The following LOXL3 variants were observed in gnomAD, a reference collection of about 807,000 sequenced individuals.
LOXL3 encodes the protein lysyl oxidase like 3.
In LOXL3, 60 loss-of-function variants were observed where a neutral mutation model predicts 91.8. That is an observed-to-expected ratio of 0.65 (90% CI 0.53 to 0.81). LOXL3 has a LOEUF of 0.81. LOXL3 is among the 30% of genes least tolerant of loss of function. The pLI is 0.00. For missense variants in LOXL3, 874 were observed against 1,000.4 expected (o/e 0.87, Z 1.70); for synonymous variants, 355 against 387.6 (o/e 0.92, Z 0.99).
Position 74,535,610 on chromosome 2 carries a change from C to T in LOXL3, c.1394G>A (p.Gly465Asp), listed in dbSNP as rs1309534254. ...AMVACRQLGL[G>D]YANHGLQETW... ...CACCTGCAGGCCGTGGTTGGCGTAG[C>T]CCAGACCCAGTTGCCTACAGGCCAC... Residue 465 changes from glycine (G) to aspartate (D), a missense_variant, in exon 8 of 14, where the codon GGC becomes GAC. Physicochemically the swap from Gly to Asp is moderately conservative, Grantham distance 94. Coordinates refer to ENST00000264094, the MANE Select transcript of LOXL3 (RefSeq NM_032603.5). The surrounding 1 kb of genome is among the most constrained non-coding windows in gnomAD (Gnocchi z 4.2). 1.2e-6 allele frequency: 2 copies of T among 1,614,112 alleles called. No individual in the cohort carries two copies. Among genetic ancestry groups the T allele is most frequent in the Non-Finnish European group, 8.5e-7 (1 of 1,180,034 alleles).
chr2:74,535,300 C>G lies in LOXL3; in HGVS notation c.1571G>C (p.Cys524Ser). 1 of 1,613,506 alleles carries G rather than the reference C, an allele frequency of 6.2e-7. No homozygotes were observed. The highest frequency in any genetic ancestry group is 8.5e-7 in the Non-Finnish European group (1 of 1,179,784). Residue 524 changes from cysteine (C) to serine (S), a missense_variant, in exon 9 of 14, where the codon TGT becomes TCT. Coordinates refer to ENST00000264094, the MANE Select transcript of LOXL3 (RefSeq NM_032603.5). The surrounding 1 kb of genome is among the most constrained non-coding windows in gnomAD (Gnocchi z 4.2). ...TGTRFTAGVICSETASDLLLH... is the reference protein window; with the variant it reads ...TGTRFTAGVISSETASDLLLH... ...CCCCCTCCTTCACTCACTCTCAGAA[C>G]AGATGACTCCAGCAGTGAAGCGGGT...
At chr2:74,554,736 G>A, upstream of LOXL3, 1 of 1,606,338 alleles carries the variant, frequency 6.2e-7, no homozygotes, top group South Asian at 1.1e-5. This position sits in a 1 kb window ranked among gnomAD's most constrained non-coding sequence, Gnocchi z 4.9. Context: ...AGGAAGCGCG[G>A]AAGGAACCGC....
intron 4 of LOXL3, among the ~76,000 whole-genome samples, chr2:74,543,899 T>TAAAA (rs1352260802): frequency 6.1e-5 from 3 of 49,338 alleles, no homozygotes; most frequent in African/African-American, 3.7e-4. Flanking sequence ...AGGCTCTGTC[T>TAAAA]CAAAAAAAAA....
upstream of LOXL3, chr2:74,555,557 C>G: frequency 1.9e-6 from 3 of 1,610,376 alleles, no homozygotes; most frequent in South Asian, 2.2e-5. The surrounding 1 kb of genome is among the most constrained non-coding windows in gnomAD (Gnocchi z 6.1). Context: ...ACGGGTTTCT[C>G]GATGCTCTCT....
upstream of LOXL3, chr2:74,554,274 C>T (rs533973522): frequency 9.0e-4 from 144 of 160,772 alleles, 1 homozygote; most frequent in South Asian, 6.1e-3. The surrounding 1 kb of genome is among the most constrained non-coding windows in gnomAD (Gnocchi z 4.9). Flanking sequence ...AGCGGTTCAA[C>T]CCCAGCCCTC....
At chr2:74,555,153 G>C, upstream of LOXL3, 1 of 1,610,514 alleles carries the variant, frequency 6.2e-7, no homozygotes, top group Non-Finnish European at 8.5e-7. This position sits in a 1 kb window ranked among gnomAD's most constrained non-coding sequence, Gnocchi z 6.1. Context: ...TCTCTCCCTA[G>C]AGGTGGAGGA....
At chr2:74,542,058 T>A (rs1285995703) in intron 4 of LOXL3, among the ~76,000 whole-genome samples, 1 of 152,186 alleles carries the variant, frequency 6.6e-6, no homozygotes, top group Non-Finnish European at 1.5e-5. Context: ...TTTGGGAGGC[T>A]GAGGCAGGAG....
rs1366277929 is a variant in LOXL3 at position 74,534,520 on chromosome 2, T to C, written c.1823+11A>G. 1.2e-6 allele frequency: 2 copies of C among 1,614,072 alleles called. No homozygotes were observed. Among genetic ancestry groups the C allele is most frequent in the Non-Finnish European group, 8.5e-7 (1 of 1,179,908 alleles). ...GGTCTTGCCCTTCTACTTGACTCCC[T>C]ACCCTCTCACCCATGGCACTCGTGC... On this transcript the variant is annotated intron_variant, in intron 10 of 13. Coordinates refer to ENST00000264094, the MANE Select transcript of LOXL3 (RefSeq NM_032603.5).
rs1211368385 is a variant in LOXL3, at chr2:74,535,522, T to G, written c.1416+66A>C. The G allele has an allele frequency of 2.9e-5, 47 of 1,611,776 alleles. No individual in the cohort carries two copies. Among genetic ancestry groups the G allele is most frequent in the Non-Finnish European group, 3.9e-5 (46 of 1,179,708 alleles). On this transcript the variant is annotated intron_variant, in intron 8 of 13. Transcript: ENST00000264094. This position sits in a 1 kb window ranked among gnomAD's most constrained non-coding sequence, Gnocchi z 4.2. ...CATCTTGGGCCAAGGGACTCATTCC[T>G]CAGCCCTCTGCCCAAAACACAGGCT...
Position 74,534,356 on chromosome 2 carries a change from G to C in LOXL3, c.1899C>G (p.His633Gln), listed in dbSNP as rs1169749481. ...TPNGTKVAEG[H>Q]KASFCLEDTE... ...TGTCTTCGAGACAGAAACTAGCTTT[G>C]TGGCCCTCAGCCACCTTGGTGCCAT... Residue 633 changes from histidine (H) to glutamine (Q), a missense_variant, in exon 11 of 14, where the codon CAC becomes CAG. His to Gln is a conservative substitution (Grantham distance 24). Transcript: ENST00000264094. The C allele has an allele frequency of 5.0e-6, 8 of 1,614,132 alleles. No individual in the cohort carries two copies. Among genetic ancestry groups the C allele is most frequent in the Non-Finnish European group, 6.8e-6 (8 of 1,180,044 alleles).
At position 74,532,855 on chromosome 2, in the gene LOXL3, T is replaced by C. The variant is rs199621962; in HGVS notation, c.*751A>G. ...CGGCCTGGTGATGTGATTTTGGCCA[T>C]TGGGGAGCAGATGGTACAAAATGCT... On this transcript the variant is annotated 3_prime_UTR_variant, in exon 14 of 14. Coordinates refer to ENST00000264094, the MANE Select transcript of LOXL3 (RefSeq NM_032603.5). 24 of 1,614,058 alleles carry C rather than the reference T, an allele frequency of 1.5e-5. No homozygotes were observed. The highest frequency in any genetic ancestry group is 3.3e-5 in the South Asian group (3 of 91,084).
rs1346042566 is a variant in LOXL3, at chr2:74,532,335, CTTAAG to C, written c.*1266_*1270del. ...ATCAGATCCATCCTTTTAGGCTCAA[CTTAAG>C]TTCTTTCCCCTTAAAGCTTCTCTTA... is the stretch of plus-strand genomic sequence containing the variant. On this transcript the variant is annotated 3_prime_UTR_variant, in exon 14 of 14. Transcript: ENST00000264094. 2 of 491,060 alleles carry C rather than the reference CTTAAG, an allele frequency of 4.1e-6. No homozygotes were observed. The highest frequency in any genetic ancestry group is 7.4e-6 in the Non-Finnish European group (2 of 269,618). The allele number at this position is 491,060 out of a possible 1,614,324, so 30.4% of individuals were successfully genotyped here.
Position 74,552,602 on chromosome 2 carries a change from G to A in LOXL3, c.33C>T (p.Pro11=), listed in dbSNP as rs1334047692. ...ACAGCAGGCACAGCAGCAGCCCCCAGGGGCTCCACTGCCAGACACTGACAG... is the reference window on the plus strand; with the variant it reads ...ACAGCAGGCACAGCAGCAGCCCCCAAGGGCTCCACTGCCAGACACTGACAG... MRPVSVWQWS[P]WGLLLCLLCS... The change falls in exon 2 of 14, where the codon CCC becomes CCT. Residue 11 remains proline (P), a synonymous_variant. Coordinates refer to ENST00000264094, the MANE Select transcript of LOXL3 (RefSeq NM_032603.5). The A allele has an allele frequency of 6.3e-7, 1 of 1,587,052 alleles. No individual in the cohort carries two copies. The highest frequency in any genetic ancestry group is 1.1e-5 in the South Asian group (1 of 89,434).
chr2:74,543,254 A>C (rs1381137295), intron 4 of LOXL3, among the ~76,000 whole-genome samples: 1 of 152,150 alleles, frequency 6.6e-6, no homozygotes, highest in East Asian at 1.9e-4. Flanking sequence ...CTGGTCATTA[A>C]AATTTGTGGA....
chr2:74,541,115 T>C (rs924943692), intron 4 of LOXL3, among the ~76,000 whole-genome samples: 1 of 152,252 alleles, frequency 6.6e-6, no homozygotes, highest in Non-Finnish European at 1.5e-5. Context: ...CTTTTTTTCT[T>C]GTCATTATTC....
In LOXL3 at chr2:74,549,757, C is replaced by G; in HGVS notation, c.478-174G>C. 3 of 1,433,130 alleles carry G rather than the reference C, an allele frequency of 2.1e-6. No homozygotes were observed. Among genetic ancestry groups the G allele is most frequent in the Non-Finnish European group, 2.7e-6 (3 of 1,094,492 alleles). 88.8% of individuals were successfully genotyped at this position (1,433,130 alleles called of 1,614,324 possible). On this transcript the variant is annotated intron_variant, in intron 3 of 13. Transcript: ENST00000264094. This position sits in a 1 kb window ranked among gnomAD's most constrained non-coding sequence, Gnocchi z 5.3. ...GCAGTCCGCGGTGTGGACTCTCTTG[C>G]AGCCAGCAGCGCGTGGGATGTGCTG...
In LOXL3 at chr2:74,549,374, G is replaced by A. The variant is rs2104440836; in HGVS notation, c.687C>T (p.Phe229=). 6.2e-7 allele frequency: 1 copy of A among 1,602,436 alleles called. No individual in the cohort carries two copies. The highest frequency in any genetic ancestry group is 8.5e-7 in the Non-Finnish European group (1 of 1,174,576). Reference sequence around the variant, plus strand: ...CGGCGCCCGCGGCCCCTCACCTGTAGAAGGCCGCGTTGACCCTCTTTTCGC... The same window carrying A: ...CGGCGCCCGCGGCCCCTCACCTGTAAAAGGCCGCGTTGACCCTCTTTTCGC... The part of the protein sequence containing the change: ...FPSEKRVNAA[F]YRLLAQRQQH... Residue 229 remains phenylalanine (F), a synonymous_variant, in exon 4 of 14, where the codon TTC becomes TTT. Transcript: ENST00000264094. This position sits in a 1 kb window ranked among gnomAD's most constrained non-coding sequence, Gnocchi z 5.3.
At position 74,534,706 on chromosome 2, in the gene LOXL3, G is replaced by C. The variant is rs1380779977; in HGVS notation, c.1648C>G (p.His550Asp). Residue 550 changes from histidine to aspartate, a missense_variant, in exon 10 of 14, where the codon CAT (histidine) becomes GAT (aspartate). Physicochemically the swap from His to Asp is moderately conservative, Grantham distance 81. Transcript: ENST00000264094. ...ETAYIEDRPL[H>D]MLYCAAEENC... The stretch of plus-strand genomic sequence containing the variant: ...TCTTCCGCAGCACAGTACAACATAT[G>C]CAGGGGCCGGTCTTCGATGTAGGCG... 1.2e-6 allele frequency: 2 copies of C among 1,614,214 alleles called. No individual in the cohort carries two copies. Among genetic ancestry groups the C allele is most frequent in the Middle Eastern group, 1.6e-4 (1 of 6,062 alleles).
At position 74,536,302 on chromosome 2, in the gene LOXL3, C is replaced by T. The variant is rs765857380; in HGVS notation, c.1082G>A (p.Arg361His). ...CCATGCCACCTCACCCTGCCCCATG[C>T]GAGCGCCACTCAGAGCTTCTCGAGC... ...GSAREALSGARMGQGMGAIHL... is the reference protein window; with the variant it reads ...GSAREALSGAHMGQGMGAIHL... Residue 361 changes from arginine (R) to histidine (H), a missense_variant, in exon 6 of 14, where the codon CGC becomes CAC. By Grantham distance (29) the Arg-to-His change is conservative. Coordinates refer to ENST00000264094, the MANE Select transcript of LOXL3 (RefSeq NM_032603.5). The surrounding 1 kb of genome is among the most constrained non-coding windows in gnomAD (Gnocchi z 4.5). The T allele has an allele frequency of 6.8e-6, 11 of 1,613,482 alleles. No homozygotes were observed. The highest frequency in any genetic ancestry group is 6.7e-5 in the East Asian group (3 of 44,890).
Sources: allele counts gnomAD v4.1 joint callset (sites outside exome capture counted in the v4.1 genomes callset), GRCh38; gene constraint gnomAD v4.1.1; non-coding constraint Gnocchi (gnomAD v3.1); transcripts MANE v1.5; gene names NCBI Gene and HGNC (gene_info 2026-07-23, HGNC 2026-07-21).